SMYD3: variants seen among roughly 807,000 people sequenced by gnomAD.
SMYD3 encodes SET and MYND domain containing 3.
A neutral mutation model predicts 57.7 loss-of-function variants in SMYD3; 36 were observed. The observed-to-expected ratio is 0.62, with a 90% CI of 0.48 to 0.82. The LOEUF is 0.82. Ranked by LOEUF, SMYD3 falls within the 40% of genes least tolerant of loss-of-function variation. The pLI is 0.00. For missense variants in SMYD3, 515 were observed against 538.8 expected (o/e 0.96, Z 0.44); for synonymous variants, 211 against 195.0 (o/e 1.08, Z -0.68).
chr1:246,364,997 G>GA (rs948279381), intron 1 of SMYD3, among the ~76,000 whole-genome samples: 1 of 151,940 alleles, frequency 6.6e-6, no homozygotes, highest in East Asian at 1.9e-4. Flanking sequence ...ATAAGTTTCT[G>GA]AAAAAAAGAG....
intron 10 of SMYD3, among the ~76,000 whole-genome samples, chr1:245,791,726 C>A (rs2047278692): frequency 6.6e-6 from 1 of 152,164 alleles, no homozygotes; most frequent in African/African-American, 2.4e-5. Context: ...TAGCCTTCAG[C>A]TAGATTGTGT....
intron 5 of SMYD3, among the ~76,000 whole-genome samples, chr1:246,038,092 T>C (rs1400704860): frequency 6.6e-6 from 1 of 152,150 alleles, no homozygotes; most frequent in African/African-American, 2.4e-5. Context: ...TGGGCTGTAG[T>C]TCCCAACCCC....
intron 1 of SMYD3, among the ~76,000 whole-genome samples, chr1:246,369,214 A>C (rs1013301307): frequency 6.6e-6 from 1 of 152,230 alleles, no homozygotes; most frequent in Non-Finnish European, 1.5e-5. Flanking sequence ...CTATTATTTT[A>C]AGATTTTTAA....
At chr1:246,098,531 T>G (rs1365490064) in intron 5 of SMYD3, among the ~76,000 whole-genome samples, 1 of 152,200 alleles carries the variant, frequency 6.6e-6, no homozygotes, top group Non-Finnish European at 1.5e-5. Flanking sequence ...TAAAAAATCT[T>G]TTTTCAAATT....
intron 5 of SMYD3, among the ~76,000 whole-genome samples, chr1:246,324,852 T>C (rs1486330031): frequency 6.6e-6 from 1 of 151,130 alleles, no homozygotes; most frequent in African/African-American, 2.4e-5. Flanking sequence ...CTTCACCCAG[T>C]TCCCGTGTGC....
In SMYD3 at chr1:246,507,204, T is replaced by C; in HGVS notation, c.14A>G (p.Lys5Arg). 2 of 1,522,676 alleles carry C rather than the reference T, an allele frequency of 1.3e-6. No individual in the cohort carries two copies. The highest frequency in any genetic ancestry group is 1.2e-5 in the South Asian group (1 of 81,082). The allele number at this position is 1,522,676 out of a possible 1,614,324, so 94.3% of individuals were successfully genotyped here. ...CTTGGCGGTTGCGAACTTTTCCACC[T>C]TCAGCGGCTCCATCCTCCCGCAGCT... MEPL[K>R]VEKFATAKRG... Residue 5 changes from lysine (K) to arginine (R), a missense_variant, in exon 1 of 12, where the codon AAG becomes AGG. Coordinates refer to ENST00000490107, the MANE Select transcript of SMYD3 (RefSeq NM_001167740.2).
At chr1:246,058,464 C>T (rs1393341229) in intron 5 of SMYD3, among the ~76,000 whole-genome samples, 2 of 152,132 alleles carry the variant, frequency 1.3e-5, no homozygotes, top group Non-Finnish European at 2.9e-5. Flanking sequence ...GAAAGAAAAC[C>T]CCATTCAGTA....
At chr1:246,053,402 A>C (rs1418776620) in intron 5 of SMYD3, among the ~76,000 whole-genome samples, 1 of 152,148 alleles carries the variant, frequency 6.6e-6, no homozygotes, top group East Asian at 1.9e-4. Flanking sequence ...AAAAAGTTAG[A>C]GGGCATACAC....
Position 246,203,957 on chromosome 1 carries a change from G to A in SMYD3, c.531+123244C>T, listed in dbSNP as rs1483195533. ...AGAAGTCTCAAACTCAAATATAGAG[G>A]AGCCAGGAGAATCCTAAGTGGACCG... On this transcript the variant is annotated intron_variant, in intron 5 of 11. Transcript: ENST00000490107. This position sits in a 1 kb window ranked among gnomAD's most constrained non-coding sequence, Gnocchi z 4.6. Among the ~76,000 whole-genome samples, 1 of 152,110 alleles carries A rather than the reference G, an allele frequency of 6.6e-6. No individual in the cohort carries two copies. Among genetic ancestry groups the A allele is most frequent in the East Asian group, 1.9e-4 (1 of 5,188 alleles).
At chr1:246,032,340 T>A (rs1558167033) in intron 5 of SMYD3, among the ~76,000 whole-genome samples, 1 of 152,186 alleles carries the variant, frequency 6.6e-6, no homozygotes, top group African/African-American at 2.4e-5. Flanking sequence ...TCAGGTCACC[T>A]AACACCTGGG....
rs1378443828 is a variant in SMYD3 at position 246,303,255 on chromosome 1, T to C, written c.531+23946A>G. 2.6e-5 allele frequency among the ~76,000 whole-genome samples: 4 copies of C among 152,312 alleles called. No homozygotes were observed. In the East Asian group the frequency reaches 7.7e-4, roughly 29 times the overall value. ...GGAGTGCATGAGTTGATACTTATTG[T>C]GGTTGGCAGAATTTTAAGGTGGCCC... On this transcript the variant is annotated intron_variant, in intron 5 of 11. Transcript: ENST00000490107.
chr1:246,249,518 T>G (rs963394901), intron 5 of SMYD3, among the ~76,000 whole-genome samples: 49 of 112,376 alleles, frequency 4.4e-4, no homozygotes, highest in African/African-American at 1.4e-3. Context: ...TCCTAGTTTT[T>G]TGTTTTTTTT....
At chr1:245,756,868 C>T (rs991724175) in intron 11 of SMYD3, among the ~76,000 whole-genome samples, 27 of 149,520 alleles carry the variant, frequency 1.8e-4, no homozygotes, top group Non-Finnish European at 3.5e-4. Flanking sequence ...GAACTGCTTT[C>T]GGTTTATACT....
At chr1:246,149,477 C>A (rs10737783) in intron 5 of SMYD3, among the ~76,000 whole-genome samples, 127,911 of 152,232 alleles carry the variant, frequency 0.84, 54,300 homozygotes, top group Admixed American at 0.88. Flanking sequence ...GATTAACTAG[C>A]AGAAGTGATA....
At chr1:245,982,308 G>A (rs2058614424) in intron 5 of SMYD3, among the ~76,000 whole-genome samples, 1 of 152,096 alleles carries the variant, frequency 6.6e-6, no homozygotes, top group Non-Finnish European at 1.5e-5. Context: ...ATAGTTTTTT[G>A]TAGAGATGAA....
intron 10 of SMYD3, among the ~76,000 whole-genome samples, chr1:245,780,726 C>T (rs1175324875): frequency 1.3e-5 from 2 of 152,024 alleles, no homozygotes; most frequent in Non-Finnish European, 2.9e-5. Flanking sequence ...AAACATTATG[C>T]CCCTGAATTC....
At chr1:246,309,111 A>G (rs1338274813) in intron 5 of SMYD3, among the ~76,000 whole-genome samples, 1 of 152,152 alleles carries the variant, frequency 6.6e-6, no homozygotes, top group African/African-American at 2.4e-5. Flanking sequence ...CAAAACCAAT[A>G]TGTATTTTTT....
At chr1:246,480,010 C>T (rs1185854623) in intron 1 of SMYD3, among the ~76,000 whole-genome samples, 2 of 152,154 alleles carry the variant, frequency 1.3e-5, no homozygotes, top group African/African-American at 4.8e-5. Context: ...CTCCCCCGAC[C>T]CTTGTTTGGA....
intron 8 of SMYD3, among the ~76,000 whole-genome samples, chr1:245,882,517 G>T (rs1425941596): frequency 1.3e-5 from 2 of 152,122 alleles, no homozygotes; most frequent in Non-Finnish European, 2.9e-5. Flanking sequence ...TCATGTGGGG[G>T]TGAGGGGTGT....
Sources: gnomAD v4.1 joint callset for allele counts (sites outside exome capture counted in the v4.1 genomes callset) on GRCh38, gnomAD v4.1.1 for gene constraint, Gnocchi (gnomAD v3.1) non-coding constraint, MANE v1.5 for transcripts, NCBI Gene and HGNC (gene_info 2026-07-23, HGNC 2026-07-21) for gene names.